Variants in KIAA0586 observed in about 807,000 individuals in gnomAD.
The protein encoded by KIAA0586 is protein TALPID3.
Under a neutral mutation model 169.8 loss-of-function variants are expected in KIAA0586, and 144 were observed. That is an observed-to-expected ratio of 0.85 (90% CI 0.74 to 0.97). The LOEUF is 0.97. Ranked by LOEUF, KIAA0586 falls within the 50% of genes least tolerant of loss-of-function variation. The probability of loss-of-function intolerance (pLI) is 0.00; values close to 1 mark genes in which losing one functional copy is unlikely to be tolerated. For synonymous variants in KIAA0586, 625 were observed against 612.4 expected, an observed-to-expected ratio of 1.02 and a Z score of -0.30; for missense variants, 1,854 against 1,823.0, an observed-to-expected ratio of 1.02 and a Z score of -0.31.
rs998721046 is a variant in KIAA0586 at position 58,549,681 on chromosome 14, G to A, written c.*1749G>A. On this transcript the variant is annotated 3_prime_UTR_variant, in exon 31 of 31. Transcript: ENST00000652326. Reference sequence around the variant, plus strand: ...AATTCTGCTCTGTGGATTTTAATTTGTTTTTGATATTCATCTACAAGACTC... The same window carrying A: ...AATTCTGCTCTGTGGATTTTAATTTATTTTTGATATTCATCTACAAGACTC... The A allele has an allele frequency of 1.3e-5, 2 of 152,138 alleles. No homozygotes were observed. The highest frequency in any genetic ancestry group is 4.8e-5 in the African/African-American group (2 of 41,414). 9.4% of individuals were successfully genotyped at this position (152,138 alleles called of 1,614,324 possible). A position where few individuals can be genotyped will look rare whatever the true frequency, so the allele number is the denominator to read the frequency against.
rs565198156 is a variant in KIAA0586, at chr14:58,453,296, A to C, written c.1130-54A>C. 1.9e-4 allele frequency: 186 copies of C among 965,384 alleles called. No individual in the cohort carries two copies. In the African/African-American group the frequency reaches 3.0e-3, roughly 16 times the overall value. 59.8% of individuals were successfully genotyped at this position (965,384 alleles called of 1,614,324 possible). ...AATACAAATATGTGAGATATTATAT[A>C]CAAGAGAAATGAATTAGTATTTGGA... On this transcript the variant is annotated intron_variant, in intron 8 of 30. Transcript: ENST00000652326.
At chr14:58,491,779 G>A (rs1353958812) in intron 25 of KIAA0586, among the ~76,000 whole-genome samples, 2 of 152,172 alleles carry the variant, frequency 1.3e-5, no homozygotes, top group African/African-American at 4.8e-5. Context: ...GCCACACTGT[G>A]GCATTACTTT....
Position 58,508,515 on chromosome 14 carries a change from A to T in KIAA0586, c.4169-40A>T. ...TTGTTCATTTTTGAAGATAAATTTA[A>T]CACTTTATTTTAACTTTTTATTTAC... On this transcript the variant is annotated intron_variant, in intron 27 of 30. Coordinates refer to ENST00000652326, the MANE Select transcript of KIAA0586 (RefSeq NM_001329943.3). 2.1e-6 allele frequency: 3 copies of T among 1,437,600 alleles called. 1 individual carries two copies. Among genetic ancestry groups the T allele is most frequent in the South Asian group, 2.6e-5 (2 of 77,658 alleles). 89.1% of individuals were successfully genotyped at this position (1,437,600 alleles called of 1,614,324 possible). A position where few individuals can be genotyped will look rare whatever the true frequency, so the allele number is the denominator to read the frequency against.
At chr14:58,497,535 C>T (rs533990334) in intron 26 of KIAA0586, among the ~76,000 whole-genome samples, 1 of 149,412 alleles carries the variant, frequency 6.7e-6, no homozygotes, top group Admixed American at 6.7e-5. Flanking sequence ...AATTTTTGTA[C>T]TTTTTTTTTA....
chr14:58,556,865 C>T, the KIAA0586 span, among the ~76,000 whole-genome samples: 2 of 152,206 alleles, frequency 1.3e-5, no homozygotes, highest in Admixed American at 1.3e-4. Flanking sequence ...CCTGCCTCAG[C>T]CTCCCTAGTA....
At chr14:58,440,691 A>C (rs1006121651) in intron 4 of KIAA0586, among the ~76,000 whole-genome samples, 6 of 152,234 alleles carry the variant, frequency 3.9e-5, no homozygotes, top group Non-Finnish European at 1.5e-5. Flanking sequence ...AATTCTTTTC[A>C]GTGGTGTTAT....
rs770347127 is a variant in KIAA0586, at chr14:58,467,774, G to C, written c.2294G>C (p.Gly765Ala). 2.5e-6 allele frequency: 4 copies of C among 1,613,458 alleles called. No individual in the cohort carries two copies. Among genetic ancestry groups the C allele is most frequent in the Admixed American group, 3.3e-5 (2 of 59,970 alleles). The change falls in exon 16 of 31, where the codon GGA becomes GCA. Residue 765 changes from glycine to alanine, a missense_variant. Physicochemically the swap from Gly to Ala is moderately conservative, Grantham distance 60. Coordinates refer to ENST00000652326, the MANE Select transcript of KIAA0586 (RefSeq NM_001329943.3). ...QSNSDTMPPAGVIVSKPHPVT... is the reference protein window; with the variant it reads ...QSNSDTMPPAAVIVSKPHPVT... ...AATAGTGATACCATGCCACCTGCTG[G>C]AGTGATTGTCAGCAAGCCACACCCT... is the stretch of plus-strand genomic sequence containing the variant.
At chr14:58,536,495 CTG>C (rs1028827470) in intron 29 of KIAA0586, among the ~76,000 whole-genome samples, 11 of 152,126 alleles carry the variant, frequency 7.2e-5, no homozygotes, top group Non-Finnish European at 1.0e-4. Flanking sequence ...TTTTTTATGG[CTG>C]TGTAGTATTC....
rs186513595 is a variant in KIAA0586 at position 58,540,346 on chromosome 14, G to A, written c.4495+210G>A. 1.4e-3 allele frequency among the ~76,000 whole-genome samples: 215 copies of A among 152,258 alleles called. 2 individuals carry two copies. The highest frequency in any genetic ancestry group is 4.8e-3 in the African/African-American group (198 of 41,548). ...GACAGGAAAGAAAACCTATCGTTTC[G>A]CTTTGGAAAGTTTATAAAATGATGA... On this transcript the variant is annotated intron_variant, in intron 30 of 30. Transcript: ENST00000652326.
Position 58,453,483 on chromosome 14 carries a change from A to G in KIAA0586, c.1253+10A>G. The G allele has an allele frequency of 6.7e-7, 1 of 1,481,542 alleles. No individual in the cohort carries two copies. The highest frequency in any genetic ancestry group is 8.9e-7 in the Non-Finnish European group (1 of 1,120,802). The allele number at this position is 1,481,542 out of a possible 1,614,324, so 91.8% of individuals were successfully genotyped here. ...CTGAGAAAACAAACAGGTAAAAACAAGAGATTGGAATGAAAACTAGATTGA... is the reference window on the plus strand; with the variant it reads ...CTGAGAAAACAAACAGGTAAAAACAGGAGATTGGAATGAAAACTAGATTGA... On this transcript the variant is annotated intron_variant, in intron 9 of 30. Coordinates refer to ENST00000652326, the MANE Select transcript of KIAA0586 (RefSeq NM_001329943.3).
chr14:58,556,833 C>T, the KIAA0586 span, among the ~76,000 whole-genome samples: 1 of 152,192 alleles, frequency 6.6e-6, no homozygotes, highest in Non-Finnish European at 1.5e-5. Context: ...GCAACCTCCA[C>T]CTCCTGGGTT....
chr14:58,447,691 G>T (rs1350626543), intron 6 of KIAA0586, among the ~76,000 whole-genome samples: 1 of 152,006 alleles, frequency 6.6e-6, no homozygotes, highest in East Asian at 1.9e-4. Flanking sequence ...ATGTTGGCCA[G>T]ACTGGCCTCG....
intron 25 of KIAA0586, 58 bp downstream of exon 25, chr14:58,490,298 G>T: frequency 1.0e-6 from 1 of 956,474 alleles, no homozygotes; most frequent in South Asian, 1.7e-5. Context: ...TGTATGAATT[G>T]GTTGCCACTG....
chr14:58,558,394 T>A, the KIAA0586 span, among the ~76,000 whole-genome samples: 5 of 152,250 alleles, frequency 3.3e-5, no homozygotes, highest in African/African-American at 1.2e-4. Context: ...AACTTTTCAG[T>A]TGACATTTTA....
In KIAA0586 at chr14:58,428,270, A is replaced by G; in HGVS notation, c.6A>G (p.Lys2=). The G allele has an allele frequency of 6.2e-7, 1 of 1,613,254 alleles. No homozygotes were observed. Among genetic ancestry groups the G allele is most frequent in the Non-Finnish European group, 8.5e-7 (1 of 1,179,576 alleles). ...CTTGTTTTGTGACCAACAATATGAA[A>G]GGCTCTGAGGTCAGCTTGGAGAAGA... M[K]GSEVSLEKKK... is the part of the protein sequence containing the mutation. The change falls in exon 1 of 31, where the codon AAA becomes AAG. Residue 2 remains lysine, a synonymous_variant. Transcript: ENST00000652326.
chr14:58,443,766 T>C (rs1247903596), intron 5 of KIAA0586, among the ~76,000 whole-genome samples, 188 bp from the exon 6 acceptor site: 8 of 152,102 alleles, frequency 5.3e-5, no homozygotes, highest in African/African-American at 2.4e-5. Context: ...TACCTAAGGA[T>C]AGCTATCTTC....
In KIAA0586 at chr14:58,458,053, A is replaced by C. The variant is rs1417813240; in HGVS notation, c.1583+74A>C. ...CTTTCTTCATAATTTTTTTCTAAGC[A>C]CTGTATTTTCCTATTAGTTTTCATA... On this transcript the variant is annotated intron_variant, in intron 11 of 30. Transcript: ENST00000652326. 3 of 952,778 alleles carry C rather than the reference A, an allele frequency of 3.1e-6. No individual in the cohort carries two copies. In the South Asian group the frequency reaches 5.0e-5, roughly 16 times the overall value. The allele number at this position is 952,778 out of a possible 1,614,324, so 59.0% of individuals were successfully genotyped here. A position where few individuals can be genotyped will look rare whatever the true frequency, so the allele number is the denominator to read the frequency against.
intron 19 of KIAA0586, among the ~76,000 whole-genome samples, chr14:58,476,857 C>T (rs2041672872): frequency 6.6e-6 from 1 of 151,960 alleles, no homozygotes; most frequent in Non-Finnish European, 1.5e-5. Context: ...CAGTGTTTTG[C>T]CCTGTTTGCC....
intron 30 of KIAA0586, among the ~76,000 whole-genome samples, chr14:58,540,402 C>T (rs2046576019): frequency 6.6e-6 from 1 of 152,132 alleles, no homozygotes; most frequent in Non-Finnish European, 1.5e-5. Context: ...GTATTCAGAG[C>T]ACTAAGGATA....
Sources: gnomAD v4.1 joint callset for allele counts (sites outside exome capture counted in the v4.1 genomes callset) on GRCh38, gnomAD v4.1.1 for gene constraint, MANE v1.5 for transcripts, NCBI Gene and HGNC (gene_info 2026-07-23, HGNC 2026-07-21) for gene names.